The following PITPNM3 variants were observed in gnomAD, a reference collection of about 807,000 sequenced individuals.
The protein encoded by PITPNM3 is PITPNM family member 3, also known as membrane-associated phosphatidylinositol transfer protein 3.
Under a neutral mutation model 102.0 loss-of-function variants are expected in PITPNM3, and 26 were observed. That is an observed-to-expected ratio of 0.25 (90% confidence interval 0.19 to 0.35). PITPNM3 has a LOEUF of 0.35. Among genes scored for constraint, PITPNM3 ranks in the 10% least tolerant of loss-of-function variants. PITPNM3 has a pLI of 1.00. For missense variants in PITPNM3, 1,083 were observed against 1,346.1 expected (o/e 0.80, Z 3.06); for synonymous variants, 578 against 558.6 (o/e 1.03, Z -0.49).
At chr17:6,503,448 A>G in intron 4 of PITPNM3, 79 bp downstream of exon 4, 1 of 1,486,224 alleles carries the variant, frequency 6.7e-7, no homozygotes, top group Non-Finnish European at 9.3e-7. Flanking sequence ...CTCTGAGTGG[A>G]TGAGAGGGGA....
chr17:6,487,121 A>G (rs1210914514), intron 4 of PITPNM3, among the ~76,000 whole-genome samples: 1 of 152,108 alleles, frequency 6.6e-6, no homozygotes, highest in African/African-American at 2.4e-5. Context: ...GTCAAGAAGA[A>G]CCAGGAGTGA....
Position 6,461,694 on chromosome 17 carries a change from C to A in PITPNM3, c.2307-138G>T, listed in dbSNP as rs971964258. The A allele has an allele frequency of 9.0e-5, 87 of 967,522 alleles. No individual in the cohort carries two copies. The African/African-American group carries it at 1.1e-3, about 12-fold the overall frequency. The allele number at this position is 967,522 out of a possible 1,614,324, so 59.9% of individuals were successfully genotyped here. On this transcript the variant is annotated intron_variant, in intron 17 of 19. Transcript: ENST00000262483. ...GGCGTGCTAGGGAGAACAAGGGGGA[C>A]CCCGAATCCCCTCTCTGGGCTGAGC...
chr17:6,539,244 C>G (rs1355478980), intron 1 of PITPNM3, among the ~76,000 whole-genome samples: 1 of 152,154 alleles, frequency 6.6e-6, no homozygotes, highest in African/African-American at 2.4e-5. Context: ...GTTCCACCCT[C>G]GGGCCCTGGA....
chr17:6,457,803 C>T lies in PITPNM3; in HGVS notation c.2491-81G>A. 6.5e-7 allele frequency: 1 copy of T among 1,531,592 alleles called. No homozygotes were observed. The highest frequency in any genetic ancestry group is 8.8e-7 in the Non-Finnish European group (1 of 1,135,886). The allele number at this position is 1,531,592 out of a possible 1,614,324, so 94.9% of individuals were successfully genotyped here. On this transcript the variant is annotated intron_variant, in intron 18 of 19. Coordinates refer to ENST00000262483, the MANE Select transcript of PITPNM3 (RefSeq NM_031220.4). The surrounding 1 kb of genome is among the most constrained non-coding windows in gnomAD (Gnocchi z 4.7). ...CCTTCCCAGGCCAACCCCAGGGGGC[C>T]CCTGCTTGGGGACCCTTTATGTGCA... is the stretch of plus-strand genomic sequence containing the variant.
chr17:6,497,907 C>T (rs1042806511), intron 4 of PITPNM3, among the ~76,000 whole-genome samples: 2 of 152,174 alleles, frequency 1.3e-5, no homozygotes, highest in African/African-American at 4.8e-5. Flanking sequence ...CTGTGCACTG[C>T]GGAGCCCTGC....
chr17:6,499,625 T>C (rs35896846), intron 4 of PITPNM3, among the ~76,000 whole-genome samples: 36,999 of 152,130 alleles, frequency 0.24, 4,632 homozygotes, highest in South Asian at 0.31. Context: ...ATCCAGCCTG[T>C]GCGGATCCTA....
intron 1 of PITPNM3, among the ~76,000 whole-genome samples, chr17:6,538,703 CT>C (rs1448863450): frequency 1.3e-5 from 2 of 152,232 alleles, no homozygotes; most frequent in African/African-American, 4.8e-5. Context: ...AGCAATGCCC[CT>C]GCCTCAGTTT....
chr17:6,551,735 A>AT (rs199818713), intron 1 of PITPNM3, among the ~76,000 whole-genome samples: 14 of 149,600 alleles, frequency 9.4e-5, no homozygotes, highest in Non-Finnish European at 1.6e-4. Context: ...TATTAAAAAA[A>AT]TTTTTTTTTT....
At chr17:6,551,511 C>A (rs565600340) in intron 1 of PITPNM3, among the ~76,000 whole-genome samples, 1 of 152,140 alleles carries the variant, frequency 6.6e-6, no homozygotes, top group Non-Finnish European at 1.5e-5. Context: ...GTAGAGTAAT[C>A]GGTGCCCTAG....
At chr17:6,516,247 G>A (rs1254136366) in intron 3 of PITPNM3, among the ~76,000 whole-genome samples, 1 of 152,160 alleles carries the variant, frequency 6.6e-6, no homozygotes, top group African/African-American at 2.4e-5. Context: ...GGTAACGTGT[G>A]GTTAGAAAAG....
chr17:6,456,785 C>A (rs922475863), intron 19 of PITPNM3, among the ~76,000 whole-genome samples: 2 of 152,172 alleles, frequency 1.3e-5, no homozygotes, highest in African/African-American at 2.4e-5. Context: ...AGTGGCACCT[C>A]CTACGTGGTC....
chr17:6,485,663 G>A (rs992352187), intron 4 of PITPNM3, among the ~76,000 whole-genome samples: 15 of 152,190 alleles, frequency 9.9e-5, no homozygotes, highest in African/African-American at 3.4e-4. Flanking sequence ...TACTGGCATT[G>A]CCCATGAGCT....
At chr17:6,545,919 C>A (rs1909999493) in intron 1 of PITPNM3, among the ~76,000 whole-genome samples, 1 of 152,218 alleles carries the variant, frequency 6.6e-6, no homozygotes, top group African/African-American at 2.4e-5. Flanking sequence ...GGGCTGGGCA[C>A]ACAGAAGGCT....
chr17:6,550,865 A>G (rs1314722119), intron 1 of PITPNM3, among the ~76,000 whole-genome samples: 2 of 152,130 alleles, frequency 1.3e-5, no homozygotes, highest in African/African-American at 2.4e-5. Context: ...TTGAGGTGGA[A>G]CCTCTCTGTT....
rs1259396983 is a variant in PITPNM3 at position 6,469,853 on chromosome 17, C to T, written c.1773+407G>A. ...CACGGCTGTTCATGAACATCATGAC[C>T]CCTACCAGCTCCCCAGACTCCCTCC... On this transcript the variant is annotated intron_variant, in intron 13 of 19. Transcript: ENST00000262483. This position sits in a 1 kb window ranked among gnomAD's most constrained non-coding sequence, Gnocchi z 4.0. Among the ~76,000 whole-genome samples, 1 of 152,136 alleles carries T rather than the reference C, an allele frequency of 6.6e-6. No individual in the cohort carries two copies. The highest frequency in any genetic ancestry group is 1.9e-4 in the East Asian group (1 of 5,190).
intron 3 of PITPNM3, among the ~76,000 whole-genome samples, chr17:6,509,853 A>G (rs1907767831): frequency 1.3e-5 from 2 of 152,110 alleles, no homozygotes; most frequent in Non-Finnish European, 2.9e-5. Flanking sequence ...TAAACCATTC[A>G]GTGGATCCAC....
intron 10 of PITPNM3, among the ~76,000 whole-genome samples, chr17:6,473,749 G>T (rs2150727778): frequency 6.6e-6 from 1 of 152,256 alleles, no homozygotes; most frequent in South Asian, 2.1e-4. Flanking sequence ...GGCCAAGGCG[G>T]GTGGATCACT....
rs570550747 is a variant in PITPNM3 at position 6,542,014 on chromosome 17, G to A, written c.23-3932C>T. On this transcript the variant is annotated intron_variant, in intron 1 of 19. Transcript: ENST00000262483. The stretch of plus-strand genomic sequence containing the variant: ...AAACAGAGCCTCAGGGATGTTTCAG[G>A]AAGGCGTTTGCTCTGCGGAAGAGAT... 5.3e-5 allele frequency among the ~76,000 whole-genome samples: 8 copies of A among 152,344 alleles called. No individual in the cohort carries two copies. The East Asian group carries it at 1.4e-3, about 26-fold the overall frequency.
chr17:6,498,649 A>G (rs770650190), intron 4 of PITPNM3, among the ~76,000 whole-genome samples: 1 of 152,140 alleles, frequency 6.6e-6, no homozygotes. Context: ...GGGGACAGGG[A>G]GGAGTGGGTG....
Sources: gnomAD v4.1 joint callset for allele counts (sites outside exome capture counted in the v4.1 genomes callset) on GRCh38, gnomAD v4.1.1 for gene constraint, Gnocchi (gnomAD v3.1) non-coding constraint, MANE v1.5 for transcripts, NCBI Gene and HGNC (gene_info 2026-07-23, HGNC 2026-07-21) for gene names.